Variants in LITAF observed in about 807,000 individuals in gnomAD.
LITAF encodes lipopolysaccharide-induced tumor necrosis factor-alpha factor.
A neutral mutation model predicts 14.5 loss-of-function variants in LITAF; 9 were observed. The observed-to-expected ratio is 0.62, with a 90% CI of 0.37 to 1.08. The LOEUF (loss-of-function observed/expected upper bound fraction) is 1.08, where lower values mean the gene tolerates loss of function less well. Ranked by LOEUF, LITAF falls within the 50% of genes least tolerant of loss-of-function variation. The pLI is 0.01. For missense variants in LITAF, 206 were observed against 213.4 expected (o/e 0.97, Z 0.22); for synonymous variants, 98 against 88.2 (o/e 1.11, Z -0.62).
At chr16:11,611,988 TC>T (rs1177443571) in intron 3 of LITAF, among the ~76,000 whole-genome samples, 1 of 152,064 alleles carries the variant, frequency 6.6e-6, no homozygotes, top group African/African-American at 2.4e-5. Context: ...TGTTGTGGGG[TC>T]CCACAGGATA....
rs559104143 is a variant in LITAF at position 11,558,722 on chromosome 16, G to A, written c.-5-1987C>T. 3.3e-5 allele frequency among the ~76,000 whole-genome samples: 5 copies of A among 151,818 alleles called. 1 individual carries two copies. The highest frequency in any genetic ancestry group is 2.9e-5 in the Non-Finnish European group (2 of 67,936). On this transcript the variant is annotated intron_variant, in intron 1 of 3. Coordinates refer to ENST00000622633, the MANE Select transcript of LITAF (RefSeq NM_001136472.2). The surrounding 1 kb of genome is among the most constrained non-coding windows in gnomAD (Gnocchi z 4.1). Reference sequence around the variant, plus strand: ...GACTCTGTCTCAAAAACAAACAAACGAAACAAAGTGGAATAGAGGCGGGGG... The same window carrying A: ...GACTCTGTCTCAAAAACAAACAAACAAAACAAAGTGGAATAGAGGCGGGGG...
chr16:11,566,733 C>T (rs1196173270), intron 1 of LITAF, among the ~76,000 whole-genome samples: 1 of 151,660 alleles, frequency 6.6e-6, no homozygotes, highest in Non-Finnish European at 1.5e-5. Flanking sequence ...AATAGTGCCA[C>T]TGCAATTCAG....
upstream of LITAF, among the ~76,000 whole-genome samples, chr16:11,588,827 T>A (rs2064831480): frequency 6.6e-6 from 1 of 152,058 alleles, no homozygotes; most frequent in East Asian, 1.9e-4. Context: ...CCTTCCTTTC[T>A]GTCTCTCCCT....
At chr16:11,598,877 T>C (rs1448864719), upstream of LITAF, among the ~76,000 whole-genome samples, 1 of 152,056 alleles carries the variant, frequency 6.6e-6, no homozygotes, top group African/African-American at 2.4e-5. Flanking sequence ...TGGAGTGCAG[T>C]GGCGCAATCT....
chr16:11,630,570 C>T (rs1345199046), intron 3 of LITAF, among the ~76,000 whole-genome samples: 2 of 114,240 alleles, frequency 1.8e-5, no homozygotes, highest in African/African-American at 7.1e-5. Context: ...CCCTGGCCAA[C>T]TTTTTTTTTT....
rs750950690 is a variant in LITAF at position 11,553,779 on chromosome 16, C to A, written c.221-90G>T. ...GGACAAAGAGAGGAACGCAGGGATG[C>A]CAGCAAATATTATATTTGTACATTT... On this transcript the variant is annotated intron_variant, in intron 2 of 3. Coordinates refer to ENST00000622633, the MANE Select transcript of LITAF (RefSeq NM_001136472.2). The surrounding 1 kb of genome is among the most constrained non-coding windows in gnomAD (Gnocchi z 7.7). 1.1e-5 allele frequency: 16 copies of A among 1,401,510 alleles called. No individual in the cohort carries two copies. Among genetic ancestry groups the A allele is most frequent in the Non-Finnish European group, 1.4e-5 (14 of 998,966 alleles). 86.8% of individuals were successfully genotyped at this position (1,401,510 alleles called of 1,614,324 possible).
upstream of LITAF, among the ~76,000 whole-genome samples, chr16:11,638,175 A>G: frequency 7.1e-6 from 1 of 140,628 alleles, no homozygotes; most frequent in South Asian, 2.2e-4. Flanking sequence ...CCTGCCAGCC[A>G]GGAACCTGAG....
In LITAF at chr16:11,558,477, G is replaced by A. The variant is rs1429281265; in HGVS notation, c.-5-1742C>T. Among the ~76,000 whole-genome samples the A allele has an allele frequency of 1.3e-5, 2 of 152,216 alleles. No homozygotes were observed. Among genetic ancestry groups the A allele is most frequent in the East Asian group, 1.9e-4 (1 of 5,194 alleles). On this transcript the variant is annotated intron_variant, in intron 1 of 3. Transcript: ENST00000622633. The surrounding 1 kb of genome is among the most constrained non-coding windows in gnomAD (Gnocchi z 4.1). ...AATCCCAGTACTTTGGGAGGTTGAG[G>A]CAGGAGGATCACTTGAGCCCAGGAA...
intron 3 of LITAF, among the ~76,000 whole-genome samples, chr16:11,552,381 T>C (rs58408036): frequency 0.14 from 21,735 of 152,228 alleles, 1,765 homozygotes; most frequent in Non-Finnish European, 0.18. Context: ...ACATAAAATT[T>C]ATATAATTTC....
rs573335983 is a variant in LITAF at position 11,618,014 on chromosome 16, G to C, written c.85+15519C>G. 2.6e-4 allele frequency among the ~76,000 whole-genome samples: 40 copies of C among 152,102 alleles called. No individual in the cohort carries two copies. The South Asian group carries it at 6.0e-3, about 23-fold the overall frequency. On this transcript the variant is annotated intron_variant, in intron 3 of 3. Coordinates refer to the LITAF transcript ENST00000574848. ...GCCTCCCAAGCAGCTGGGACTACAG[G>C]TGCATGCCACCACAACCAGCTTCCA...
chr16:11,552,105 A>G (rs1439633495), intron 3 of LITAF, among the ~76,000 whole-genome samples: 1 of 152,148 alleles, frequency 6.6e-6, no homozygotes, highest in Non-Finnish European at 1.5e-5. Context: ...TTAGGAAGAG[A>G]AATATTGTTC....
chr16:11,572,591 G>A (rs144429873), intron 1 of LITAF, among the ~76,000 whole-genome samples: 7 of 152,254 alleles, frequency 4.6e-5, no homozygotes, highest in Admixed American at 3.3e-4. Context: ...CCCTAAACCC[G>A]CAGCCCCACG....
At chr16:11,626,640 T>C (rs2065085700) in intron 3 of LITAF, among the ~76,000 whole-genome samples, 1 of 152,134 alleles carries the variant, frequency 6.6e-6, no homozygotes, top group African/African-American at 2.4e-5. Flanking sequence ...GCCCAGCCTG[T>C]AATTTTTTTT....
Position 11,586,801 on chromosome 16 carries a change from G to C in LITAF, c.-6+85C>G, listed in dbSNP as rs1184554188. The C allele has an allele frequency of 6.6e-6, 1 of 151,704 alleles. No homozygotes were observed. The highest frequency in any genetic ancestry group is 2.4e-5 in the African/African-American group (1 of 41,298). 9.4% of individuals were successfully genotyped at this position (151,704 alleles called of 1,614,324 possible). A position where few individuals can be genotyped will look rare whatever the true frequency, so the allele number is the denominator to read the frequency against. ...GGCCCCAGCCAAGGGCTCAGTGCCC[G>C]GGGCCCCCAGCAGGTGCTGGCGCCA... On this transcript the variant is annotated intron_variant, in intron 1 of 3. Transcript: ENST00000622633. This position sits in a 1 kb window ranked among gnomAD's most constrained non-coding sequence, Gnocchi z 6.5.
chr16:11,625,831 C>T (rs1001041933), intron 3 of LITAF, among the ~76,000 whole-genome samples: 3 of 152,136 alleles, frequency 2.0e-5, no homozygotes, highest in Non-Finnish European at 4.4e-5. Context: ...GTTCTAACTC[C>T]AGCCCTGAGA....
At chr16:11,583,540 C>T (rs922569889) in intron 1 of LITAF, among the ~76,000 whole-genome samples, 2 of 152,196 alleles carry the variant, frequency 1.3e-5, no homozygotes, top group African/African-American at 4.8e-5. Flanking sequence ...ACAGAAGCCG[C>T]CCGATAAGGA....
intron 2 of LITAF, among the ~76,000 whole-genome samples, chr16:11,555,335 T>C (rs2064251820): frequency 6.6e-6 from 1 of 152,178 alleles, no homozygotes; most frequent in African/African-American, 2.4e-5. Context: ...TGTTCATACA[T>C]TTTATTAAGT....
intron 1 of LITAF, among the ~76,000 whole-genome samples, chr16:11,595,417 C>T (rs1597365120): frequency 1.3e-5 from 2 of 152,258 alleles, no homozygotes; most frequent in South Asian, 4.2e-4. Flanking sequence ...GGGAGTGTTA[C>T]TGGATCTAGC....
chr16:11,614,919 T>C (rs1444431410), intron 3 of LITAF, among the ~76,000 whole-genome samples: 2 of 152,226 alleles, frequency 1.3e-5, no homozygotes, highest in Non-Finnish European at 2.9e-5. Context: ...AGTTCAGTGA[T>C]TGTCATGACA....
Sources: allele counts gnomAD v4.1 joint callset (sites outside exome capture counted in the v4.1 genomes callset), GRCh38; gene constraint gnomAD v4.1.1; non-coding constraint Gnocchi (gnomAD v3.1); transcripts MANE v1.5; gene names NCBI Gene and HGNC (gene_info 2026-07-23, HGNC 2026-07-21).